TRMT1: variants seen among roughly 807,000 people sequenced by gnomAD.
TRMT1 encodes the protein tRNA methyltransferase 1, also known as tRNA (guanine(26)-N(2))-dimethyltransferase.
TRMT1 carries 63 observed loss-of-function variants against 75.4 expected under a neutral mutation model. The observed-to-expected ratio is 0.84, with a 90% CI of 0.68 to 1.03. The LOEUF is 1.03. TRMT1 is among the 50% of genes least tolerant of loss of function. TRMT1 has a pLI of 0.00. For missense variants in TRMT1, 870 were observed against 905.3 expected, an observed-to-expected ratio of 0.96 and a Z score of 0.50; for synonymous variants, 382 against 358.1, an observed-to-expected ratio of 1.07 and a Z score of -0.75.
chr19:13,109,722 A>G (rs889530226), intron 10 of TRMT1, 38 bp from the exon 11 acceptor site: 10 of 1,613,698 alleles, frequency 6.2e-6, no homozygotes, highest in Non-Finnish European at 8.5e-6. Flanking sequence ...AGGGACTATG[A>G]CCTTCAAGAC....
chr19:13,116,696 T>G lies in TRMT1; in HGVS notation c.-76A>C, dbSNP rs970352617. On this transcript the variant is annotated 5_prime_UTR_variant, in exon 1 of 17. Coordinates refer to ENST00000357720, the MANE Select transcript of TRMT1 (RefSeq NM_001136035.4). ...AAAACCGAATTAGTCAAGGTGCACGTTTCCCGAATTAGGACCTGGGCGCCG... is the reference window on the plus strand; with the variant it reads ...AAAACCGAATTAGTCAAGGTGCACGGTTCCCGAATTAGGACCTGGGCGCCG... 18 of 414,232 alleles carry G rather than the reference T, an allele frequency of 4.3e-5. No individual in the cohort carries two copies. In the South Asian group the frequency reaches 6.2e-4, roughly 14 times the overall value. The allele number at this position is 414,232 out of a possible 1,614,324, so 25.7% of individuals were successfully genotyped here.
At chr19:13,105,982 A>G (rs2018851097) in intron 14 of TRMT1, among the ~76,000 whole-genome samples, 1 of 152,044 alleles carries the variant, frequency 6.6e-6, no homozygotes, top group African/African-American at 2.4e-5. Context: ...GAATCGCTTG[A>G]ACCTGGGAGG....
rs749256442 is a variant in TRMT1 at position 13,107,775 on chromosome 19, G to A, written c.1482C>T (p.Ala494=). Residue 494 remains alanine, a synonymous_variant, in exon 13 of 17, where the codon GCC becomes GCT. Coordinates refer to ENST00000357720, the MANE Select transcript of TRMT1 (RefSeq NM_001136035.4). ...NAVKTDAPAS[A]LWDIMRCWEK... is the part of the protein sequence containing the mutation. ...CCCAGCAACGCATGATGTCCCAGAG[G>A]GCAGAGGCAGGGGCATCCGTCTTCA... 20 of 1,553,148 alleles carry A rather than the reference G, an allele frequency of 1.3e-5. No individual in the cohort carries two copies. Among genetic ancestry groups the A allele is most frequent in the Admixed American group, 2.0e-5 (1 of 51,126 alleles).
rs1476564766 is a variant in TRMT1 at position 13,105,044 on chromosome 19, T to C, written c.1871A>G (p.His624Arg). The C allele has an allele frequency of 3.7e-6, 6 of 1,607,736 alleles. No individual in the cohort carries two copies. The East Asian group carries it at 6.7e-5, about 18-fold the overall frequency. ...CQRGDQCCYS[H>R]SPPTPRVSAD... ...AGAAACCCTGGGTGTCGGGGGGCTG[T>C]GGGAGTAGCAGCACTGGTCCCCGCG... The change falls in exon 17 of 17, where the codon CAC (histidine) becomes CGC (arginine). Residue 624 changes from histidine to arginine, a missense_variant. By Grantham distance (29) the His-to-Arg change is conservative (BLOSUM62 0). Coordinates refer to ENST00000357720, the MANE Select transcript of TRMT1 (RefSeq NM_001136035.4).
chr19:13,105,182 G>C (rs941077859), intron 16 of TRMT1, 85 bp downstream of exon 16: 10 of 1,557,350 alleles, frequency 6.4e-6, no homozygotes, highest in Non-Finnish European at 8.7e-6. Flanking sequence ...CACTTGCCTG[G>C]CCCCAGCTCC....
At chr19:13,109,332 G>T (rs1387503761) in intron 12 of TRMT1, 49 bp downstream of exon 12, 1 of 1,601,528 alleles carries the variant, frequency 6.2e-7, no homozygotes. Context: ...CTTGCCCCAG[G>T]CCACCCTGTG....
chr19:13,115,878 G>A, intron 3 of TRMT1, 110 bp from the exon 4 acceptor site: 1 of 1,605,324 alleles, frequency 6.2e-7, no homozygotes, highest in Non-Finnish European at 8.5e-7. Context: ...GGCTGAAGGA[G>A]CAGAACCCAG....
At chr19:13,108,820 C>T (rs371806500) in intron 12 of TRMT1, among the ~76,000 whole-genome samples, 8 of 149,248 alleles carry the variant, frequency 5.4e-5, no homozygotes, top group South Asian at 4.2e-4. Flanking sequence ...ATTTTGACCA[C>T]GCTGGTCTTG....
Position 13,105,312 on chromosome 19 carries a change from C to T in TRMT1, c.1788G>A (p.Gln596=). ...GAAATGTCTTGAGCCGGGCAGCCCG[C>T]TGGGCCACATCTTCCGGCGGCTCCT... The part of the protein sequence containing the change: ...KRKEPPEDVA[Q]RAARLKTFPC... The change falls in exon 16 of 17, where the codon CAG becomes CAA. Residue 596 remains glutamine, a synonymous_variant. Transcript: ENST00000357720. The T allele has an allele frequency of 6.2e-7, 1 of 1,614,090 alleles. No homozygotes were observed. The highest frequency in any genetic ancestry group is 1.3e-5 in the African/African-American group (1 of 75,064).
intron 14 of TRMT1, 30 bp from the exon 15 acceptor site, chr19:13,105,636 T>G (rs1325790230): frequency 1.7e-4 from 214 of 1,280,362 alleles, no homozygotes; most frequent in Non-Finnish European, 2.2e-4. Context: ...GCGTTGGGGC[T>G]GGGGGAAGCT....
At chr19:13,113,183 G>A (rs1184262453) in intron 5 of TRMT1, among the ~76,000 whole-genome samples, 172 bp from the exon 6 acceptor site, 1 of 151,896 alleles carries the variant, frequency 6.6e-6, no homozygotes, top group Non-Finnish European at 1.5e-5. Flanking sequence ...TTTTTGAGTC[G>A]GAGTCTTGCT....
Position 13,109,924 on chromosome 19 carries a change from G to A in TRMT1, c.1097C>T (p.Pro366Leu), listed in dbSNP as rs1225533183. 2 of 1,614,048 alleles carry A rather than the reference G, an allele frequency of 1.2e-6. No homozygotes were observed. The highest frequency in any genetic ancestry group is 1.7e-5 in the Admixed American group (1 of 60,022). The change falls in exon 9 of 17, where the codon CCC (proline) becomes CTC (leucine). Residue 366 changes from proline to leucine, a missense_variant. Coordinates refer to ENST00000357720, the MANE Select transcript of TRMT1 (RefSeq NM_001136035.4). ...LQRLGKASGVPSGRAKFSAAC... is the reference protein window; with the variant it reads ...LQRLGKASGVLSGRAKFSAAC... ...CTTCCTCCCTGCTCACCGGCCGCTG[G>A]GGACTCCTGACGCTTTGCCGAGACG...
At chr19:13,108,618 T>C (rs1365194521) in intron 12 of TRMT1, among the ~76,000 whole-genome samples, 2 of 149,958 alleles carry the variant, frequency 1.3e-5, no homozygotes, top group Non-Finnish European at 3.0e-5. Context: ...TTATTATTAT[T>C]ATATTTTAAA....
intron 14 of TRMT1, among the ~76,000 whole-genome samples, chr19:13,106,085 G>A (rs957107901): frequency 6.6e-6 from 1 of 151,890 alleles, no homozygotes; most frequent in African/African-American, 2.4e-5. Context: ...TAAAGATACA[G>A]GGTCTCACTC....
At position 13,107,584 on chromosome 19, in the gene TRMT1, C is replaced by T; in HGVS notation, c.1573G>A (p.Val525Met). The change falls in exon 14 of 17, where the codon GTG becomes ATG. Residue 525 changes from valine to methionine, a missense_variant. Coordinates refer to ENST00000357720, the MANE Select transcript of TRMT1 (RefSeq NM_001136035.4). ...TGTGCTTGCCCCTACCTGGGCTCCACACTGAGAATGCGGAACGCTGGGCTA... is the reference window on the plus strand; with the variant it reads ...TGTGCTTGCCCCTACCTGGGCTCCATACTGAGAATGCGGAACGCTGGGCTA... ...ETSPAFRILS[V>M]EPRLQANFTI... The T allele has an allele frequency of 1.2e-6, 2 of 1,604,684 alleles. No individual in the cohort carries two copies. The highest frequency in any genetic ancestry group is 1.1e-5 in the South Asian group (1 of 89,446).
Position 13,109,919 on chromosome 19 carries a change from C to G in TRMT1, c.1102G>C (p.Gly368Arg). 2 of 1,614,032 alleles carry G rather than the reference C, an allele frequency of 1.2e-6. No individual in the cohort carries two copies. Among genetic ancestry groups the G allele is most frequent in the South Asian group, 2.2e-5 (2 of 91,092 alleles). Reference protein sequence around the residue: ...RLGKASGVPSGRAKFSAACGP... With the variant: ...RLGKASGVPSRRAKFSAACGP... ...TTCTCCTTCCTCCCTGCTCACCGGCCGCTGGGGACTCCTGACGCTTTGCCG... is the reference window on the plus strand; with the variant it reads ...TTCTCCTTCCTCCCTGCTCACCGGCGGCTGGGGACTCCTGACGCTTTGCCG... The change falls in exon 9 of 17, where the codon GGC (glycine) becomes CGC (arginine). Residue 368 changes from glycine to arginine, a missense_variant. By Grantham distance (125) the Gly-to-Arg change is moderately radical. Transcript: ENST00000357720.
Position 13,114,352 on chromosome 19 carries a change from T to C in TRMT1, c.641+927A>G, listed in dbSNP as rs181996342. ...GCCTGGCCAACATGGCAAAACCCTG[T>C]CTCTACTAAAAATATAAAAATTAGC... On this transcript the variant is annotated intron_variant, in intron 5 of 16. Coordinates refer to ENST00000357720, the MANE Select transcript of TRMT1 (RefSeq NM_001136035.4). Among the ~76,000 whole-genome samples, 4 of 152,240 alleles carry C rather than the reference T, an allele frequency of 2.6e-5. No homozygotes were observed. In the East Asian group the frequency reaches 7.7e-4, roughly 29 times the overall value.
chr19:13,105,387 C>T lies in TRMT1; in HGVS notation c.1713G>A (p.Ala571=), dbSNP rs183541443. The change falls in exon 16 of 17, where the codon GCG becomes GCA. Residue 571 remains alanine (A), a synonymous_variant. Transcript: ENST00000357720. ...GTCTCTCCTCCATAGCTTCGTCGGC[C>T]GCCTTGCCCCTGTGCGAGGGGAGGA... The part of the protein sequence containing the change: ...PRPRARPGGK[A]ADEAMEERRR... 4.3e-6 allele frequency: 7 copies of T among 1,613,726 alleles called. No homozygotes were observed. In the East Asian group the frequency reaches 6.7e-5, roughly 15 times the overall value.
At position 13,105,470 on chromosome 19, in the gene TRMT1, A is replaced by T; in HGVS notation, c.1703+17T>A. ...CTTTCCCTGGCTGAGCCCCACCCCCACCTTACCACCACTCACCCTGGCCGG... is the reference window on the plus strand; with the variant it reads ...CTTTCCCTGGCTGAGCCCCACCCCCTCCTTACCACCACTCACCCTGGCCGG... On this transcript the variant is annotated intron_variant, in intron 15 of 16. Transcript: ENST00000357720. 6.2e-7 allele frequency: 1 copy of T among 1,612,786 alleles called. No individual in the cohort carries two copies. The highest frequency in any genetic ancestry group is 1.7e-5 in the Admixed American group (1 of 59,940).
Sources: gnomAD v4.1 joint callset for allele counts (sites outside exome capture counted in the v4.1 genomes callset) on GRCh38, gnomAD v4.1.1 for gene constraint, MANE v1.5 for transcripts, NCBI Gene and HGNC (gene_info 2026-07-23, HGNC 2026-07-21) for gene names.